Variants in SLIT2 observed in about 807,000 individuals in gnomAD.
SLIT2 encodes the protein slit guidance ligand 2, also known as slit homolog 2 protein.
In SLIT2, 41 loss-of-function variants were observed where a neutral mutation model predicts 185.7. That is an observed-to-expected ratio of 0.22 (90% confidence interval 0.17 to 0.29). SLIT2 has a LOEUF of 0.29. Ranked by LOEUF, SLIT2 falls within the 10% of genes least tolerant of loss-of-function variation. The probability of loss-of-function intolerance (pLI) is 1.00; values close to 1 mark genes in which losing one functional copy is unlikely to be tolerated. For missense variants in SLIT2, 1,571 were observed against 1,909.0 expected (o/e 0.82, Z 3.30); for synonymous variants, 693 against 680.2 (o/e 1.02, Z -0.29).
intron 4 of SLIT2, among the ~76,000 whole-genome samples, chr4:20,381,370 T>G (rs1724496084): frequency 6.6e-6 from 1 of 152,142 alleles, no homozygotes; most frequent in African/African-American, 2.4e-5. Context: ...GAATAGCAGA[T>G]TTCTTGTCAG....
At chr4:20,401,670 T>TAATGAA (rs912586801) in intron 4 of SLIT2, among the ~76,000 whole-genome samples, 2 of 151,860 alleles carry the variant, frequency 1.3e-5, no homozygotes, top group African/African-American at 4.8e-5. Context: ...CAACTTGACA[T>TAATGAA]AATGAAGAGA....
intron 4 of SLIT2, among the ~76,000 whole-genome samples, chr4:20,287,272 T>C (rs1715351949): frequency 6.6e-6 from 1 of 152,190 alleles, no homozygotes; most frequent in Non-Finnish European, 1.5e-5. Context: ...TTCTCTGCTC[T>C]ACTGACCTAC....
chr4:20,532,395 A>AT (rs3836698), intron 17 of SLIT2, among the ~76,000 whole-genome samples: 9 of 151,226 alleles, frequency 6.0e-5, no homozygotes, highest in East Asian at 1.9e-4. Flanking sequence ...CCATGCTGTT[A>AT]TTTTTTTTTT....
intron 26 of SLIT2, among the ~76,000 whole-genome samples, chr4:20,556,564 A>G (rs1724271680): frequency 6.6e-6 from 1 of 152,058 alleles, no homozygotes; most frequent in Non-Finnish European, 1.5e-5. Flanking sequence ...GAAGTCCAAG[A>G]TAAGTCCCCT....
At chr4:20,375,702 A>G (rs1224001746) in intron 4 of SLIT2, among the ~76,000 whole-genome samples, 3 of 151,990 alleles carry the variant, frequency 2.0e-5, no homozygotes, top group Non-Finnish European at 2.9e-5. Flanking sequence ...TAATATTTTT[A>G]ACAACCTGGT....
At chr4:20,372,060 C>A (rs1723628129) in intron 4 of SLIT2, among the ~76,000 whole-genome samples, 4 of 152,104 alleles carry the variant, frequency 2.6e-5, no homozygotes, top group Admixed American at 2.6e-4. Flanking sequence ...TGAGAGGGTT[C>A]TCTTGTCTTT....
intron 29 of SLIT2, among the ~76,000 whole-genome samples, chr4:20,588,036 A>G (rs1727209619): frequency 6.6e-6 from 1 of 152,220 alleles, no homozygotes; most frequent in Non-Finnish European, 1.5e-5. Flanking sequence ...ACTGAAAGTG[A>G]TTTCATCATA....
rs140638571 is a variant in SLIT2 at position 20,611,682 on chromosome 4, G to A, written c.3847+1515G>A. ...GAAGCCAAGTCACAAGCATACCTGTGATTTGAGAGAAAATAAATTATATTT... is the reference window on the plus strand; with the variant it reads ...GAAGCCAAGTCACAAGCATACCTGTAATTTGAGAGAAAATAAATTATATTT... On this transcript the variant is annotated intron_variant, in intron 34 of 36. Coordinates refer to ENST00000504154, the MANE Select transcript of SLIT2 (RefSeq NM_004787.4). Among the ~76,000 whole-genome samples, 926 of 152,302 alleles carry A rather than the reference G, an allele frequency of 6.1e-3. 8 individuals are homozygous for A. Among genetic ancestry groups the A allele is most frequent in the Middle Eastern group, 0.024 (7 of 294 alleles).
At chr4:20,406,659 C>G (rs1022427775) in intron 4 of SLIT2, among the ~76,000 whole-genome samples, 1 of 144,336 alleles carries the variant, frequency 6.9e-6, no homozygotes, top group Non-Finnish European at 1.5e-5. Flanking sequence ...ACTGACAGCA[C>G]CAGTGTTAGA....
At position 20,347,172 on chromosome 4, in the gene SLIT2, T is replaced by C. The variant is rs114972639; in HGVS notation, c.395+78291T>C. Among the ~76,000 whole-genome samples the C allele has an allele frequency of 6.8e-3, 1,042 of 152,318 alleles. 22 individuals carry two copies. The highest frequency in any genetic ancestry group is 0.024 in the African/African-American group (985 of 41,568). On this transcript the variant is annotated intron_variant, in intron 4 of 36. Coordinates refer to ENST00000504154, the MANE Select transcript of SLIT2 (RefSeq NM_004787.4). ...AGAAAAGGAAGCGGATTGGCACTTATGTGTCAGCAAGATGTTATTGCCATT... is the reference window on the plus strand; with the variant it reads ...AGAAAAGGAAGCGGATTGGCACTTACGTGTCAGCAAGATGTTATTGCCATT...
intron 15 of SLIT2, among the ~76,000 whole-genome samples, chr4:20,527,081 T>C (rs930397586): frequency 2.0e-5 from 3 of 152,206 alleles, no homozygotes; most frequent in Non-Finnish European, 4.4e-5. Context: ...TGATTCCATT[T>C]CCACTAAGAC....
chr4:20,392,998 A>T (rs1725556481), intron 4 of SLIT2, among the ~76,000 whole-genome samples: 1 of 152,064 alleles, frequency 6.6e-6, no homozygotes, highest in South Asian at 2.1e-4. Context: ...AGTACATAAT[A>T]TTAGGTGCTA....
Position 20,596,584 on chromosome 4 carries a change from T to G in SLIT2, c.3490T>G (p.Phe1164Val). 6.2e-7 allele frequency: 1 copy of G among 1,614,022 alleles called. No homozygotes were observed. The change falls in exon 32 of 37, where the codon TTT becomes GTT. Residue 1164 changes from phenylalanine (F) to valine (V), a missense_variant. This residue lies in a region of SLIT2 where 146 missense variants were observed against 247.4 expected (regional missense o/e 0.59). Coordinates refer to ENST00000504154, the MANE Select transcript of SLIT2 (RefSeq NM_004787.4). Reference protein sequence around the residue: ...EKCEKLVSVNFINKESYLQIP... With the variant: ...EKCEKLVSVNVINKESYLQIP... Reference sequence around the variant, plus strand: ...GTGTGAAAAATTGGTTAGTGTGAATTTTATAAACAAAGAGTCTTATCTTCA... The same window carrying G: ...GTGTGAAAAATTGGTTAGTGTGAATGTTATAAACAAAGAGTCTTATCTTCA...
intron 4 of SLIT2, among the ~76,000 whole-genome samples, chr4:20,422,609 G>A (rs1355677436): frequency 6.6e-6 from 1 of 152,104 alleles, no homozygotes; most frequent in South Asian, 2.1e-4. Flanking sequence ...GTAATGAGAG[G>A]CAGTGGGCAG....
chr4:20,617,925 A>AT (rs1729808652), intron 36 of SLIT2, among the ~76,000 whole-genome samples: 1 of 152,106 alleles, frequency 6.6e-6, no homozygotes, highest in African/African-American at 2.4e-5. Flanking sequence ...TCACAAGTTG[A>AT]TTTGTTGTAA....
At chr4:20,342,804 G>T in intron 4 of SLIT2, among the ~76,000 whole-genome samples, 1 of 145,122 alleles carries the variant, frequency 6.9e-6, no homozygotes. Context: ...GCAACAGCAG[G>T]GTTGACTAGC....
chr4:20,501,172 G>A (rs528446750), intron 9 of SLIT2, among the ~76,000 whole-genome samples: 1 of 152,108 alleles, frequency 6.6e-6, no homozygotes, highest in African/African-American at 2.4e-5. Flanking sequence ...ATTTCATCAG[G>A]TAATCCCAGA....
chr4:20,362,390 C>A (rs1336545724), intron 4 of SLIT2, among the ~76,000 whole-genome samples: 1 of 152,000 alleles, frequency 6.6e-6, no homozygotes, highest in African/African-American at 2.4e-5. Context: ...GCTCTCAGTG[C>A]GTCAACTTTT....
intron 11 of SLIT2, 26 bp from the exon 12 acceptor site, chr4:20,519,356 T>G: frequency 8.1e-7 from 1 of 1,230,252 alleles, no homozygotes; most frequent in South Asian, 1.2e-5. Flanking sequence ...GTGTCTAATT[T>G]TTTTCATTTA....
Sources: allele counts gnomAD v4.1 joint callset (sites outside exome capture counted in the v4.1 genomes callset), GRCh38; gene constraint gnomAD v4.1.1; regional missense constraint gnomAD v4.1.1; transcripts MANE v1.5; gene names NCBI Gene and HGNC (gene_info 2026-07-23, HGNC 2026-07-21).